The following ASTN2 variants were observed in gnomAD, a reference collection of about 807,000 sequenced individuals.
ASTN2 encodes the protein astrotactin-2.
Under a neutral mutation model 139.8 loss-of-function variants are expected in ASTN2, and 54 were observed. That is an observed-to-expected ratio of 0.39 (90% CI 0.31 to 0.48). The LOEUF (loss-of-function observed/expected upper bound fraction) is 0.48. Ranked by LOEUF, ASTN2 falls within the 20% of genes least tolerant of loss-of-function variation. The pLI, the probability that ASTN2 is intolerant of heterozygous loss-of-function variation, is 0.95. For synonymous variants in ASTN2, 756 were observed against 719.5 expected (o/e 1.05, Z -0.81); for missense variants, 1,565 against 1,725.1 (o/e 0.91, Z 1.64).
chr9:117,391,927 G>A (rs530941585), intron 1 of ASTN2, among the ~76,000 whole-genome samples: 4 of 152,206 alleles, frequency 2.6e-5, no homozygotes, highest in South Asian at 2.1e-4. Context: ...TCTGAAATCC[G>A]GCAGAATAGT....
intron 1 of ASTN2, among the ~76,000 whole-genome samples, chr9:117,331,151 A>G (rs1337200654): frequency 6.6e-6 from 1 of 152,134 alleles, no homozygotes; most frequent in African/African-American, 2.4e-5. Context: ...CCAATCACAG[A>G]AGTCATATGT....
chr9:116,490,692 T>G (rs571834187), intron 19 of ASTN2, among the ~76,000 whole-genome samples: 1 of 152,020 alleles, frequency 6.6e-6, no homozygotes, highest in South Asian at 2.1e-4. Flanking sequence ...AAGGGGGAAA[T>G]AGCCCCTTAT....
chr9:116,948,795 T>G lies in ASTN2; in HGVS notation c.1889+26413A>C, dbSNP rs1220044347. Among the ~76,000 whole-genome samples the G allele has an allele frequency of 6.2e-3, 732 of 117,936 alleles. 14 individuals carry two copies. The highest frequency in any genetic ancestry group is 0.01 in the Non-Finnish European group (620 of 59,146). 77.4% of individuals were successfully genotyped at this position (117,936 alleles called of 152,430 possible). ...GAGAAATAATTTGGTGTTTTTTTTT[T>G]TTTTTTTTTTTTTTTGAGAAGGAGT... On this transcript the variant is annotated intron_variant, in intron 10 of 22. Coordinates refer to ENST00000313400, the MANE Select transcript of ASTN2 (RefSeq NM_001365068.1).
intron 4 of ASTN2, among the ~76,000 whole-genome samples, chr9:117,122,899 T>A (rs1487348027): frequency 6.6e-6 from 1 of 152,074 alleles, no homozygotes; most frequent in Admixed American, 6.6e-5. Flanking sequence ...ACCCTCAATG[T>A]CTTTCAAACT....
At chr9:117,350,493 G>A (rs1192096489) in intron 1 of ASTN2, among the ~76,000 whole-genome samples, 1 of 151,804 alleles carries the variant, frequency 6.6e-6, no homozygotes, top group Non-Finnish European at 1.5e-5. Flanking sequence ...GGTGGTGGTT[G>A]CAGTGAGCTG....
chr9:116,659,081 C>T (rs1619025), intron 16 of ASTN2, among the ~76,000 whole-genome samples: 88,716 of 151,884 alleles, frequency 0.58, 26,368 homozygotes, highest in East Asian at 0.87. Flanking sequence ...TATGTATATA[C>T]TTTTGAGCAT....
chr9:116,697,684 A>G (rs1860934947), intron 16 of ASTN2: 5 of 1,607,952 alleles, frequency 3.1e-6, no homozygotes, highest in South Asian at 1.1e-5. Flanking sequence ...CCTCTAGGGC[A>G]TGAATACTGT....
chr9:117,086,796 G>A (rs1365529346), intron 5 of ASTN2, among the ~76,000 whole-genome samples: 2 of 152,086 alleles, frequency 1.3e-5, no homozygotes, highest in African/African-American at 4.8e-5. Flanking sequence ...TTCACCTGTG[G>A]GTCCTCTAGC....
intron 13 of ASTN2, among the ~76,000 whole-genome samples, chr9:116,803,552 T>G (rs1398636316): frequency 1.6e-5 from 2 of 127,454 alleles, no homozygotes; most frequent in African/African-American, 2.8e-5. Context: ...TTAGACGGAG[T>G]CTCACTCTGT....
At chr9:117,363,008 C>T (rs572238560) in intron 1 of ASTN2, among the ~76,000 whole-genome samples, 4 of 152,280 alleles carry the variant, frequency 2.6e-5, no homozygotes, top group South Asian at 2.1e-4. Flanking sequence ...AATATCCAAA[C>T]CAAATTTGGG....
chr9:116,830,056 T>A (rs1191257826), intron 11 of ASTN2, among the ~76,000 whole-genome samples: 1 of 152,130 alleles, frequency 6.6e-6, no homozygotes, highest in Non-Finnish European at 1.5e-5. Flanking sequence ...ACCTACAGAA[T>A]GGGAGAAAAT....
At chr9:117,334,806 C>T (rs1828826870) in intron 1 of ASTN2, among the ~76,000 whole-genome samples, 1 of 152,200 alleles carries the variant, frequency 6.6e-6, no homozygotes, top group South Asian at 2.1e-4. Flanking sequence ...GTAATCCTAG[C>T]ACTTTGGGAG....
At chr9:116,837,693 C>CAGG (rs59771600) in intron 11 of ASTN2, among the ~76,000 whole-genome samples, 124,194 of 151,904 alleles carry the variant, frequency 0.82, 50,926 homozygotes, top group East Asian at 0.95. Context: ...CTGTTCTGAG[C>CAGG]AGAAGGAAAA....
At chr9:117,059,330 T>A (rs979141646) in intron 5 of ASTN2, among the ~76,000 whole-genome samples, 1 of 152,054 alleles carries the variant, frequency 6.6e-6, no homozygotes, top group Non-Finnish European at 1.5e-5. Context: ...AAACACAGAA[T>A]AGGCCAGGCG....
intron 4 of ASTN2, among the ~76,000 whole-genome samples, chr9:117,116,849 A>C (rs1013491696): frequency 6.7e-6 from 1 of 149,332 alleles, no homozygotes; most frequent in African/African-American, 2.5e-5. Flanking sequence ...AAAAAAAAAA[A>C]AAAAAAAAAA....
At chr9:116,735,089 C>G (rs1828891340) in intron 13 of ASTN2, among the ~76,000 whole-genome samples, 1 of 152,122 alleles carries the variant, frequency 6.6e-6, no homozygotes, top group Non-Finnish European at 1.5e-5. Context: ...TTGGTGTTAA[C>G]AGGTGGTGGA....
In ASTN2 at chr9:116,927,318, A is replaced by G. The variant is rs1488016142; in HGVS notation, c.1889+47890T>C. ...GGAGATCGTGCATGTGGAGTCCTTAACAGGTGAGACAGTCACATGGCCATC... is the reference window on the plus strand; with the variant it reads ...GGAGATCGTGCATGTGGAGTCCTTAGCAGGTGAGACAGTCACATGGCCATC... On this transcript the variant is annotated intron_variant, in intron 10 of 22. Transcript: ENST00000313400. 2.0e-5 allele frequency among the ~76,000 whole-genome samples: 3 copies of G among 152,176 alleles called. No homozygotes were observed. In the East Asian group the frequency reaches 5.8e-4, roughly 29 times the overall value.
intron 3 of ASTN2, chr9:117,180,699 C>CCCTCATG (rs1010651648): frequency 8.8e-6 from 14 of 1,588,774 alleles, no homozygotes. Flanking sequence ...ACAGTGGAAG[C>CCCTCATG]CCTCATGAGT....
At chr9:116,696,033 C>A (rs1380129637) in intron 16 of ASTN2, among the ~76,000 whole-genome samples, 1 of 152,160 alleles carries the variant, frequency 6.6e-6, no homozygotes, top group Non-Finnish European at 1.5e-5. Context: ...ATTTCCACCA[C>A]CTGCTCCCTA....
Sources: allele counts gnomAD v4.1 joint callset (sites outside exome capture counted in the v4.1 genomes callset), GRCh38; gene constraint gnomAD v4.1.1; transcripts MANE v1.5; gene names NCBI Gene and HGNC (gene_info 2026-07-23, HGNC 2026-07-21).